RELN: variants seen among roughly 807,000 people sequenced by gnomAD.
RELN encodes the protein reelin.
In RELN, 108 loss-of-function variants were observed where a neutral mutation model predicts 427.6. That is an observed-to-expected ratio of 0.25 (90% CI 0.22 to 0.30). The LOEUF is 0.30. Among genes scored for constraint, RELN ranks in the 10% least tolerant of loss-of-function variants. The probability of loss-of-function intolerance (pLI) is 1.00; values close to 1 mark genes in which losing one functional copy is unlikely to be tolerated. For synonymous variants in RELN, 1,524 were observed against 1,513.4 expected, an observed-to-expected ratio of 1.01 and a Z score of -0.16; for missense variants, 3,715 against 4,302.8, an observed-to-expected ratio of 0.86 and a Z score of 3.82.
chr7:103,710,611 A>C (rs1316714293), intron 8 of RELN, among the ~76,000 whole-genome samples: 1 of 152,258 alleles, frequency 6.6e-6, no homozygotes, highest in Non-Finnish European at 1.5e-5. Context: ...TGATTCTAAA[A>C]ATCTAAATGA....
chr7:103,516,986 G>A lies in RELN; in HGVS notation c.7863-1545C>T, dbSNP rs1048259607. Among the ~76,000 whole-genome samples the A allele has an allele frequency of 1.1e-4, 16 of 152,062 alleles. No homozygotes were observed. The South Asian group carries it at 1.7e-3, about 16-fold the overall frequency. On this transcript the variant is annotated intron_variant, in intron 49 of 64. Coordinates refer to ENST00000428762, the MANE Select transcript of RELN (RefSeq NM_005045.4). ...TTTCTATTATGCCATCATTCTGTGC[G>A]CCCTTTGGGCCATGATAGCTTAATG...
intron 6 of RELN, among the ~76,000 whole-genome samples, chr7:103,735,790 T>G (rs1483373841): frequency 1.3e-5 from 2 of 152,150 alleles, no homozygotes; most frequent in African/African-American, 4.8e-5. Flanking sequence ...GGACATCATA[T>G]TATCTCTCCA....
At chr7:103,671,984 T>A (rs1274244815) in intron 11 of RELN, among the ~76,000 whole-genome samples, 1 of 152,184 alleles carries the variant, frequency 6.6e-6, no homozygotes, top group African/African-American at 2.4e-5. Flanking sequence ...TATAGCCTTA[T>A]GAGCATTTTG....
chr7:103,636,532 C>T (rs1480363770), intron 17 of RELN, 64 bp from the exon 18 acceptor site: 1 of 1,079,324 alleles, frequency 9.3e-7, no homozygotes, highest in African/African-American at 1.6e-5. Context: ...CTCGAATCTA[C>T]TTTGGGGAGG....
At chr7:103,566,115 T>C (rs1584301354) in intron 33 of RELN, 109 bp downstream of exon 33, 5 of 933,706 alleles carry the variant, frequency 5.4e-6, no homozygotes, top group East Asian at 2.5e-5. Flanking sequence ...ACCCTCAGCA[T>C]GGGTAGTTAG....
chr7:103,816,530 A>AACACACACACACAC (rs57873981), intron 3 of RELN, among the ~76,000 whole-genome samples: 2,489 of 143,664 alleles, frequency 0.017, 38 homozygotes, highest in Middle Eastern at 0.025. Flanking sequence ...TTTCTCTAGA[A>AACACACACACACAC]ACACACACAC....
At chr7:103,924,716 T>C (rs1328021336) in intron 1 of RELN, among the ~76,000 whole-genome samples, 1 of 152,160 alleles carries the variant, frequency 6.6e-6, no homozygotes, top group Non-Finnish European at 1.5e-5. Context: ...CTAAGTCTTA[T>C]TTTCTGGCAC....
intron 2 of RELN, among the ~76,000 whole-genome samples, chr7:103,841,721 C>T (rs1359360432): frequency 6.6e-6 from 1 of 152,088 alleles, no homozygotes; most frequent in Non-Finnish European, 1.5e-5. Context: ...AGAAAATGTA[C>T]ATATGTTCAT....
intron 2 of RELN, among the ~76,000 whole-genome samples, chr7:103,864,960 G>A (rs971683313): frequency 3.3e-5 from 5 of 151,270 alleles, no homozygotes; most frequent in Admixed American, 6.6e-5. Context: ...GTGAAATCCC[G>A]TCTCTACTAA....
At chr7:103,528,161 G>A (rs1472476693) in intron 46 of RELN, among the ~76,000 whole-genome samples, 5 of 152,114 alleles carry the variant, frequency 3.3e-5, no homozygotes, top group African/African-American at 4.8e-5. Flanking sequence ...CCTATCAAAC[G>A]ATGAACAGAT....
At position 103,528,952 on chromosome 7, in the gene RELN, A is replaced by G. The variant is rs1829881912; in HGVS notation, c.7350-5421T>C. Among the ~76,000 whole-genome samples the G allele has an allele frequency of 2.0e-5, 3 of 148,502 alleles. No individual in the cohort carries two copies. In the South Asian group the frequency reaches 6.8e-4, roughly 34 times the overall value. ...AGAGATCAAGACCATCCTGGCCAACATGGTGAAACCCCGTCTCTACTAAAA... is the reference window on the plus strand; with the variant it reads ...AGAGATCAAGACCATCCTGGCCAACGTGGTGAAACCCCGTCTCTACTAAAA... On this transcript the variant is annotated intron_variant, in intron 46 of 64. Transcript: ENST00000428762.
intron 42 of RELN, among the ~76,000 whole-genome samples, chr7:103,543,316 G>C (rs1355130413): frequency 6.6e-6 from 1 of 152,184 alleles, no homozygotes; most frequent in Non-Finnish European, 1.5e-5. Flanking sequence ...AGTTTAGTGG[G>C]AGAAATTTCA....
At chr7:103,519,211 G>A (rs1278677204) in intron 49 of RELN, 112 bp downstream of exon 49, 11 of 807,502 alleles carry the variant, frequency 1.4e-5, no homozygotes, top group Non-Finnish European at 2.4e-5. Context: ...AGTCTCAGAG[G>A]CATCCTCTAG....
rs764230712 is a variant in RELN at position 103,486,171 on chromosome 7, G to C, written c.9983+26C>G. 2.5e-6 allele frequency: 4 copies of C among 1,603,028 alleles called. No individual in the cohort carries two copies. The African/African-American group carries it at 5.4e-5, about 21-fold the overall frequency. On this transcript the variant is annotated intron_variant, in intron 61 of 64. Coordinates refer to ENST00000428762, the MANE Select transcript of RELN (RefSeq NM_005045.4). Reference sequence around the variant, plus strand: ...TGGGCTTGTGACTAATTCTATGTCTGGACTAAAATATGGAGGTTTGGGTAC... The same window carrying C: ...TGGGCTTGTGACTAATTCTATGTCTCGACTAAAATATGGAGGTTTGGGTAC...
chr7:103,670,494 C>G (rs1472891743), intron 11 of RELN, among the ~76,000 whole-genome samples: 1 of 151,662 alleles, frequency 6.6e-6, no homozygotes, highest in African/African-American at 2.4e-5. Context: ...TTTGAAAAAT[C>G]AAGTTGAAGT....
In RELN at chr7:103,829,547, T is replaced by G. The variant is rs1230715590; in HGVS notation, c.473+3990A>C. On this transcript the variant is annotated intron_variant, in intron 3 of 64. Transcript: ENST00000428762. ...AAAATTAACACTTAAAATATAAATTTTATCAAGAGGTGTCATAAAAGTAAT... is the reference window on the plus strand; with the variant it reads ...AAAATTAACACTTAAAATATAAATTGTATCAAGAGGTGTCATAAAAGTAAT... Among the ~76,000 whole-genome samples, 3 of 152,008 alleles carry G rather than the reference T, an allele frequency of 2.0e-5. No individual in the cohort carries two copies. In the East Asian group the frequency reaches 5.8e-4, roughly 29 times the overall value.
At chr7:103,579,894 A>T (rs1831090858) in intron 28 of RELN, among the ~76,000 whole-genome samples, 1 of 152,198 alleles carries the variant, frequency 6.6e-6, no homozygotes, top group Admixed American at 6.5e-5. Flanking sequence ...AATACTAAGC[A>T]ACTTTTTTCT....
In RELN at chr7:103,989,344, C is replaced by T. The variant is rs766288841; in HGVS notation, c.13G>A (p.Gly5Ser). The T allele has an allele frequency of 2.6e-6, 4 of 1,530,862 alleles. No homozygotes were observed. The highest frequency in any genetic ancestry group is 3.5e-6 in the Non-Finnish European group (4 of 1,141,280). The allele number at this position is 1,530,862 out of a possible 1,614,324, so 94.8% of individuals were successfully genotyped here. A position where few individuals can be genotyped will look rare whatever the true frequency, so the allele number is the denominator to read the frequency against. MERS[G>S]WARQTFLLAL... ...AGGAGGAAAGTCTGCCGGGCCCAGC[C>T]ACTGCGCTCCATGCCGCCGCCGCCG... The change falls in exon 1 of 65, where the codon GGC becomes AGC. Residue 5 changes from glycine to serine, a missense_variant. By Grantham distance (56) the Gly-to-Ser change is moderately conservative. This residue lies in a region of RELN where 2,208 missense variants were observed against 2,361.7 expected (regional missense o/e 0.93). Transcript: ENST00000428762. The surrounding 1 kb of genome is among the most constrained non-coding windows in gnomAD (Gnocchi z 4.9).
chr7:103,759,901 T>C (rs1791252742), intron 4 of RELN, among the ~76,000 whole-genome samples: 1 of 151,542 alleles, frequency 6.6e-6, no homozygotes, highest in Non-Finnish European at 1.5e-5. Context: ...GAAATGAAAG[T>C]TAGAACATTT....
Sources: allele counts gnomAD v4.1 joint callset (sites outside exome capture counted in the v4.1 genomes callset), GRCh38; gene constraint gnomAD v4.1.1; regional missense constraint gnomAD v4.1.1; non-coding constraint Gnocchi (gnomAD v3.1); transcripts MANE v1.5; gene names NCBI Gene and HGNC (gene_info 2026-07-23, HGNC 2026-07-21).